MB21D2: variants seen among roughly 807,000 people sequenced by gnomAD.
MB21D2 encodes nucleotidyltransferase MB21D2.
Under a neutral mutation model 33.3 loss-of-function variants are expected in MB21D2, and 9 were observed. That is an observed-to-expected ratio of 0.27 (90% CI 0.16 to 0.47). The LOEUF is 0.47. Ranked by LOEUF, MB21D2 falls within the 20% of genes least tolerant of loss-of-function variation. MB21D2 has a pLI of 0.99. For synonymous variants in MB21D2, 241 were observed against 236.3 expected, an observed-to-expected ratio of 1.02 and a Z score of -0.18; for missense variants, 540 against 624.6, an observed-to-expected ratio of 0.86 and a Z score of 1.44.
At chr3:192,885,912 T>C (rs1009077800) in intron 1 of MB21D2, among the ~76,000 whole-genome samples, 1 of 152,186 alleles carries the variant, frequency 6.6e-6, no homozygotes, top group African/African-American at 2.4e-5. Flanking sequence ...AATGGCTCTT[T>C]TTAATTATTT....
intron 1 of MB21D2, among the ~76,000 whole-genome samples, chr3:192,847,363 C>G (rs186287781): frequency 1.3e-5 from 2 of 152,178 alleles, no homozygotes; most frequent in Admixed American, 6.5e-5. Flanking sequence ...TAAAAACAAC[C>G]AGAGACAGTG....
At chr3:192,902,609 T>A (rs1389955448) in intron 1 of MB21D2, among the ~76,000 whole-genome samples, 1 of 152,202 alleles carries the variant, frequency 6.6e-6, no homozygotes, top group Non-Finnish European at 1.5e-5. Context: ...GGGTTAAGTT[T>A]CTCCATCAGT....
intron 1 of MB21D2, among the ~76,000 whole-genome samples, chr3:192,912,927 A>G (rs1200417422): frequency 6.6e-6 from 1 of 152,196 alleles, no homozygotes; most frequent in Non-Finnish European, 1.5e-5. Context: ...TTTCACTTCC[A>G]AAATAGGCAT....
intron 1 of MB21D2, among the ~76,000 whole-genome samples, chr3:192,808,152 T>A (rs953612187): frequency 6.6e-6 from 1 of 152,096 alleles, no homozygotes; most frequent in Admixed American, 6.6e-5. Context: ...AAATCATTGG[T>A]CAAAACTAGT....
At chr3:192,912,732 T>C (rs181290986) in intron 1 of MB21D2, among the ~76,000 whole-genome samples, 76 of 152,272 alleles carry the variant, frequency 5.0e-4, no homozygotes, top group Non-Finnish European at 7.1e-4. Context: ...CTAGGCAGGC[T>C]ACTGAGTATA....
At chr3:192,815,431 G>C (rs1031638357) in intron 1 of MB21D2, among the ~76,000 whole-genome samples, 1 of 152,198 alleles carries the variant, frequency 6.6e-6, no homozygotes, top group African/African-American at 2.4e-5. Flanking sequence ...CACAAGGATG[G>C]AAGCATAATC....
At chr3:192,813,049 A>G (rs1020809769) in intron 1 of MB21D2, among the ~76,000 whole-genome samples, 3 of 152,172 alleles carry the variant, frequency 2.0e-5, no homozygotes, top group African/African-American at 7.2e-5. Flanking sequence ...CTAAAATGTG[A>G]TAAGACTACA....
intron 1 of MB21D2, among the ~76,000 whole-genome samples, chr3:192,867,179 T>A (rs1467285657): frequency 6.6e-6 from 1 of 152,072 alleles, no homozygotes; most frequent in Non-Finnish European, 1.5e-5. Context: ...GCTGCTCAAA[T>A]AAGGAGCTGT....
Position 192,832,008 on chromosome 3 carries a change from C to T in MB21D2, c.212-32358G>A, listed in dbSNP as rs535677989. Among the ~76,000 whole-genome samples, 3 of 152,282 alleles carry T rather than the reference C, an allele frequency of 2.0e-5. No individual in the cohort carries two copies. The East Asian group carries it at 5.8e-4, about 29-fold the overall frequency. ...CAATTTATACTCAAAATGACTGCTA[C>T]AAAGCCCAGCTGAGAGGAAAAAAAA... On this transcript the variant is annotated intron_variant, in intron 1 of 1. Transcript: ENST00000392452.
At chr3:192,843,813 A>G (rs1194874097) in intron 1 of MB21D2, among the ~76,000 whole-genome samples, 1 of 152,160 alleles carries the variant, frequency 6.6e-6, no homozygotes, top group Non-Finnish European at 1.5e-5. Context: ...CAACCTGTCA[A>G]AAAGACTGCA....
chr3:192,873,359 G>A (rs1392806369), intron 1 of MB21D2, among the ~76,000 whole-genome samples: 1 of 152,166 alleles, frequency 6.6e-6, no homozygotes, highest in Non-Finnish European at 1.5e-5. Flanking sequence ...CACAAAGAGA[G>A]TGAAATTGTA....
intron 1 of MB21D2, among the ~76,000 whole-genome samples, chr3:192,851,430 T>A (rs568310348): frequency 6.6e-6 from 1 of 150,772 alleles, no homozygotes; most frequent in South Asian, 2.1e-4. Flanking sequence ...AATTAGAGAG[T>A]GATCAATGTG....
At chr3:192,853,726 A>C (rs1416889347) in intron 1 of MB21D2, among the ~76,000 whole-genome samples, 2 of 151,908 alleles carry the variant, frequency 1.3e-5, no homozygotes, top group Non-Finnish European at 2.9e-5. Flanking sequence ...TGTGCTTCTC[A>C]GATAGTTGTG....
intron 1 of MB21D2, among the ~76,000 whole-genome samples, chr3:192,911,746 A>T (rs911151350): frequency 1.3e-5 from 2 of 152,228 alleles, no homozygotes; most frequent in African/African-American, 4.8e-5. Context: ...GACGAAGGGC[A>T]GCCACTGCCC....
Position 192,798,583 on chromosome 3 carries a change from C to G in MB21D2, c.1279G>C (p.Glu427Gln), listed in dbSNP as rs1205918786. The G allele has an allele frequency of 6.2e-7, 1 of 1,614,014 alleles. No homozygotes were observed. The highest frequency in any genetic ancestry group is 8.5e-7 in the Non-Finnish European group (1 of 1,180,044). The change falls in exon 2 of 2, where the codon GAG (glutamate) becomes CAG (glutamine). Residue 427 changes from glutamate to glutamine, a missense_variant. Coordinates refer to ENST00000392452, the MANE Select transcript of MB21D2 (RefSeq NM_178496.4). The surrounding 1 kb of genome is among the most constrained non-coding windows in gnomAD (Gnocchi z 4.8). ...HVKAANRLTL[E>Q]LQRRGSTTSI... ...GTGGTGCTACCTCGCCTCTGGAGCTCCAGTGTCAGCCGGTTGGCTGCCTTG... is the reference window on the plus strand; with the variant it reads ...GTGGTGCTACCTCGCCTCTGGAGCTGCAGTGTCAGCCGGTTGGCTGCCTTG...
At chr3:192,811,180 G>A (rs780562375) in intron 1 of MB21D2, among the ~76,000 whole-genome samples, 37 of 152,330 alleles carry the variant, frequency 2.4e-4, no homozygotes, top group Admixed American at 1.1e-3. Context: ...CTCTGTGGGC[G>A]ATTCTACATT....
chr3:192,909,148 C>T (rs535809069), intron 1 of MB21D2, among the ~76,000 whole-genome samples: 8 of 150,694 alleles, frequency 5.3e-5, no homozygotes, highest in Non-Finnish European at 1.0e-4. Flanking sequence ...CCCAGCTACT[C>T]GGGAGGCTGA....
In MB21D2 at chr3:192,873,632, C is replaced by T. The variant is rs538069473; in HGVS notation, c.211+43998G>A. The stretch of plus-strand genomic sequence containing the variant: ...CTCTTGTTATCCCTCCTCTACCACT[C>T]TTTGACCGCTGTCCTCGTCTGGGAG... On this transcript the variant is annotated intron_variant, in intron 1 of 1. Transcript: ENST00000392452. 5.3e-5 allele frequency among the ~76,000 whole-genome samples: 8 copies of T among 152,344 alleles called. No homozygotes were observed. The South Asian group carries it at 1.7e-3, about 32-fold the overall frequency.
intron 1 of MB21D2, among the ~76,000 whole-genome samples, chr3:192,915,966 G>C (rs985610780): frequency 2.0e-5 from 3 of 152,086 alleles, no homozygotes; most frequent in Admixed American, 6.6e-5. Context: ...GAAAGGCTAT[G>C]ATTAACTAAA....
Sources: allele counts gnomAD v4.1 joint callset (sites outside exome capture counted in the v4.1 genomes callset), GRCh38; gene constraint gnomAD v4.1.1; non-coding constraint Gnocchi (gnomAD v3.1); transcripts MANE v1.5; gene names NCBI Gene and HGNC (gene_info 2026-07-23, HGNC 2026-07-21).